The following GALNT18 variants were observed in gnomAD, a reference collection of about 807,000 sequenced individuals.
The protein encoded by GALNT18 is polypeptide N-acetylgalactosaminyltransferase 18, also known as GalNAc-transferase 18.
Under a neutral mutation model 69.5 loss-of-function variants are expected in GALNT18, and 44 were observed. The observed-to-expected ratio is 0.63, with a 90% CI of 0.50 to 0.81. The LOEUF is 0.81. Among genes scored for constraint, GALNT18 ranks in the 40% least tolerant of loss-of-function variants. GALNT18 has a pLI of 0.00. For missense variants in GALNT18, 715 were observed against 810.0 expected (o/e 0.88, Z 1.42); for synonymous variants, 364 against 318.2 (o/e 1.14, Z -1.53).
intron 1 of GALNT18, among the ~76,000 whole-genome samples, chr11:11,452,093 G>A (rs996438673): frequency 2.0e-5 from 3 of 152,174 alleles, no homozygotes; most frequent in African/African-American, 7.2e-5. Flanking sequence ...AAAAAAGTGT[G>A]CCACCCCCAA....
chr11:11,386,675 A>T lies in GALNT18; in HGVS notation c.596-7411T>A, dbSNP rs372197974. ...TTATTCTAAGTATTTGGTATATGTT[A>T]TCTCATTTAATCATTTCAACAACCC... On this transcript the variant is annotated intron_variant, in intron 3 of 10. Coordinates refer to ENST00000227756, the MANE Select transcript of GALNT18 (RefSeq NM_198516.3). Among the ~76,000 whole-genome samples the T allele has an allele frequency of 2.0e-5, 3 of 152,204 alleles. No homozygotes were observed. In the South Asian group the frequency reaches 6.2e-4, roughly 32 times the overall value.
rs1850593379 is a variant in GALNT18 at position 11,359,256 on chromosome 11, G to C, written c.1092+13259C>G. On this transcript the variant is annotated intron_variant, in intron 6 of 10. Coordinates refer to ENST00000227756, the MANE Select transcript of GALNT18 (RefSeq NM_198516.3). Reference sequence around the variant, plus strand: ...CAGACCTCTAGGTCCAAGGCCTTTGGGGAGAACCACATACCCAGTCTATCA... The same window carrying C: ...CAGACCTCTAGGTCCAAGGCCTTTGCGGAGAACCACATACCCAGTCTATCA... Among the ~76,000 whole-genome samples the C allele has an allele frequency of 1.4e-5, 2 of 140,688 alleles. 1 individual carries two copies. The highest frequency in any genetic ancestry group is 4.4e-4 in the South Asian group (2 of 4,596). The allele number at this position is 140,688 out of a possible 152,430, so 92.3% of individuals were successfully genotyped here. A position where few individuals can be genotyped will look rare whatever the true frequency, so the allele number is the denominator to read the frequency against.
In GALNT18 at chr11:11,505,714, T is replaced by TGCAAACTCTTGCTGCTTCCTCCC. The variant is rs1857055977; in HGVS notation, c.236-56801_236-56779dup. Among the ~76,000 whole-genome samples the TGCAAACTCTTGCTGCTTCCTCCC allele has an allele frequency of 6.6e-6, 1 of 152,220 alleles. No individual in the cohort carries two copies. ...ATTTAATACCACACTCGCTTCCTCC[T>TGCAAACTCTTGCTGCTTCCTCCC]GCAAACTCTTGCTGCTTCCTCCCTG... On this transcript the variant is annotated intron_variant, in intron 1 of 10. Transcript: ENST00000227756. The surrounding 1 kb of genome is among the most constrained non-coding windows in gnomAD (Gnocchi z 4.6).
chr11:11,424,414 C>T (rs1855080388), intron 3 of GALNT18, among the ~76,000 whole-genome samples: 1 of 152,216 alleles, frequency 6.6e-6, no homozygotes, highest in South Asian at 2.1e-4. Context: ...GCTATGTGGC[C>T]TTGAGCCTGT....
chr11:11,458,146 C>T (rs544469831), intron 1 of GALNT18, among the ~76,000 whole-genome samples: 3 of 152,212 alleles, frequency 2.0e-5, no homozygotes, highest in Non-Finnish European at 2.9e-5. Flanking sequence ...GGGAAAGACC[C>T]AGAGTCCCTT....
rs1306162180 is a variant in GALNT18, at chr11:11,541,003, AAACAGAAAT to A, written c.235+80347_235+80355del. On this transcript the variant is annotated intron_variant, in intron 1 of 10. Transcript: ENST00000227756. This position sits in a 1 kb window ranked among gnomAD's most constrained non-coding sequence, Gnocchi z 4.8. ...TTTCTTTGATGGTGGATACTTCGGA[AAACAGAAAT>A]AGAATTACTTAAAGTGATGCTCCCT... is the stretch of plus-strand genomic sequence containing the variant. Among the ~76,000 whole-genome samples, 5 of 152,198 alleles carry A rather than the reference AAACAGAAAT, an allele frequency of 3.3e-5. No homozygotes were observed. The highest frequency in any genetic ancestry group is 1.2e-4 in the African/African-American group (5 of 41,446).
Position 11,497,327 on chromosome 11 carries a change from AACACACACACACACACACAC to A in GALNT18, c.236-48411_236-48392del. On this transcript the variant is annotated intron_variant, in intron 1 of 10. Coordinates refer to ENST00000227756, the MANE Select transcript of GALNT18 (RefSeq NM_198516.3). This position sits in a 1 kb window ranked among gnomAD's most constrained non-coding sequence, Gnocchi z 4.2. ...TATTTATGTTTTACCTCCTGTCTCC[AACACACACACACACACACAC>A]ACACACACACACACACACACACACC... Among the ~76,000 whole-genome samples the A allele has an allele frequency of 7.6e-6, 1 of 132,324 alleles. No homozygotes were observed. The highest frequency in any genetic ancestry group is 2.3e-4 in the East Asian group (1 of 4,334). The allele number at this position is 132,324 out of a possible 152,430, so 86.8% of individuals were successfully genotyped here. A position where few individuals can be genotyped will look rare whatever the true frequency, so the allele number is the denominator to read the frequency against.
At chr11:11,370,333 C>A (rs898566695) in intron 6 of GALNT18, among the ~76,000 whole-genome samples, 1 of 152,112 alleles carries the variant, frequency 6.6e-6, no homozygotes, top group East Asian at 1.9e-4. Flanking sequence ...GGAAACTGAA[C>A]CATTGAAAAG....
intron 6 of GALNT18, among the ~76,000 whole-genome samples, chr11:11,342,066 C>T (rs574157147): frequency 1.6e-4 from 24 of 152,208 alleles, no homozygotes; most frequent in Middle Eastern, 3.4e-3. Context: ...TCCTCTGGCC[C>T]CCACAGCCCT....
At chr11:11,569,357 A>C (rs1858730074) in intron 1 of GALNT18, among the ~76,000 whole-genome samples, 1 of 151,972 alleles carries the variant, frequency 6.6e-6, no homozygotes, top group Non-Finnish European at 1.5e-5. Context: ...TAAGACCACC[A>C]CTTGCCCCCA....
intron 1 of GALNT18, among the ~76,000 whole-genome samples, chr11:11,537,446 G>T (rs1857807137): frequency 6.6e-6 from 1 of 152,172 alleles, no homozygotes; most frequent in South Asian, 2.1e-4. Flanking sequence ...TGTTTTATAA[G>T]GAGAAAAGAT....
intron 1 of GALNT18, among the ~76,000 whole-genome samples, chr11:11,506,663 G>T (rs1857074887): frequency 6.6e-6 from 1 of 152,206 alleles, no homozygotes; most frequent in South Asian, 2.1e-4. Context: ...AAAGGACTAT[G>T]AGAAAGAACT....
rs2133972602 is a variant in GALNT18 at position 11,616,609 on chromosome 11, G to A, written c.235+4750C>T. On this transcript the variant is annotated intron_variant, in intron 1 of 10. Transcript: ENST00000227756. The surrounding 1 kb of genome is among the most constrained non-coding windows in gnomAD (Gnocchi z 4.4). ...TGCAGTCATTAAAAATACAGTAAAA[G>A]TTCTCTTTAGAAACTCTCCATTTAA... Among the ~76,000 whole-genome samples the A allele has an allele frequency of 6.6e-6, 1 of 152,272 alleles. No individual in the cohort carries two copies. Among genetic ancestry groups the A allele is most frequent in the African/African-American group, 2.4e-5 (1 of 41,558 alleles).
chr11:11,346,548 G>A (rs993497814), intron 6 of GALNT18, among the ~76,000 whole-genome samples: 6 of 152,186 alleles, frequency 3.9e-5, no homozygotes, highest in Non-Finnish European at 7.3e-5. Flanking sequence ...TTAAATTAAT[G>A]TCGTAAAACC....
At chr11:11,283,204 G>C (rs758989493) in intron 10 of GALNT18, among the ~76,000 whole-genome samples, 2 of 152,156 alleles carry the variant, frequency 1.3e-5, no homozygotes, top group African/African-American at 2.4e-5. Context: ...ACACAGGCTG[G>C]AGTGCAGTAG....
intron 3 of GALNT18, among the ~76,000 whole-genome samples, chr11:11,399,365 C>G (rs1181114160): frequency 6.6e-6 from 1 of 152,160 alleles, no homozygotes; most frequent in Non-Finnish European, 1.5e-5. Context: ...TGAAAGCCAT[C>G]TTTAAGAGGT....
chr11:11,525,121 A>C (rs1281099394), intron 1 of GALNT18, among the ~76,000 whole-genome samples: 2 of 152,208 alleles, frequency 1.3e-5, no homozygotes, highest in Non-Finnish European at 2.9e-5. Context: ...ATATATATGC[A>C]TGAATACATT....
At chr11:11,411,970 T>C (rs898310718) in intron 3 of GALNT18, among the ~76,000 whole-genome samples, 4 of 152,152 alleles carry the variant, frequency 2.6e-5, no homozygotes, top group African/African-American at 9.7e-5. Flanking sequence ...CCCGGGCATT[T>C]TGGGGTGAGG....
chr11:11,509,109 T>A (rs976850125), intron 1 of GALNT18, among the ~76,000 whole-genome samples: 2 of 152,026 alleles, frequency 1.3e-5, no homozygotes, highest in Admixed American at 1.3e-4. Flanking sequence ...TTCTGAATCC[T>A]CTGTCTTGAA....
Sources: allele counts gnomAD v4.1 joint callset (sites outside exome capture counted in the v4.1 genomes callset), GRCh38; gene constraint gnomAD v4.1.1; non-coding constraint Gnocchi (gnomAD v3.1); transcripts MANE v1.5; gene names NCBI Gene and HGNC (gene_info 2026-07-23, HGNC 2026-07-21).